FRMPD3: variants seen among roughly 807,000 people sequenced by gnomAD.
The protein encoded by FRMPD3 is FERM and PDZ domain-containing protein 3.
Under a neutral mutation model 97.9 loss-of-function variants are expected in FRMPD3, and 42 were observed. That is an observed-to-expected ratio of 0.43 (90% CI 0.34 to 0.55). FRMPD3 has a LOEUF of 0.55. Among genes scored for constraint, FRMPD3 ranks in the 20% least tolerant of loss-of-function variants. The pLI, the probability that FRMPD3 is intolerant of heterozygous loss-of-function variation, is 0.03. For synonymous variants in FRMPD3, 577 were observed against 581.1 expected (o/e 0.99, Z 0.10); for missense variants, 1,303 against 1,457.7 (o/e 0.89, Z 1.73).
chrX:107,594,881 C>T lies in FRMPD3; in HGVS notation c.1442-2440C>T, dbSNP rs771810628. Among the ~76,000 whole-genome samples, 7 of 108,816 alleles carry T rather than the reference C, an allele frequency of 6.4e-5. No individual in the cohort carries two copies. In the South Asian group the frequency reaches 3.2e-3, roughly 50 times the overall value. 94.5% of individuals were successfully genotyped at this position (108,816 alleles called of 115,157 possible). ...GGGCAATAAGAGCAAAACTCCATCT[C>T]AAAAAATAAATTAATAAAAAATTTA... On this transcript the variant is annotated intron_variant, in intron 13 of 14. Transcript: ENST00000683843.
At chrX:107,585,527 A>G (rs926934769) in intron 13 of FRMPD3, among the ~76,000 whole-genome samples, 3 of 111,727 alleles carry the variant, frequency 2.7e-5, no homozygotes, top group African/African-American at 9.8e-5. Context: ...CTGGTTTTCA[A>G]AGGGAATGCT....
At chrX:107,538,848 G>A (rs1921143709) in intron 4 of FRMPD3, among the ~76,000 whole-genome samples, 1 of 111,998 alleles carries the variant, frequency 8.9e-6, no homozygotes, top group Non-Finnish European at 1.9e-5. Context: ...TAGTAGAGAC[G>A]ATGTTTCGCC....
chrX:107,540,157 A>G (rs1274289881), intron 4 of FRMPD3, among the ~76,000 whole-genome samples: 1 of 111,420 alleles, frequency 9.0e-6, no homozygotes, highest in Non-Finnish European at 1.9e-5. Flanking sequence ...GGCAGAGGAT[A>G]TGTTCATGTC....
At chrX:107,520,885 A>G (rs1454828788) in intron 1 of FRMPD3, among the ~76,000 whole-genome samples, 2 of 112,205 alleles carry the variant, frequency 1.8e-5, no homozygotes, top group African/African-American at 6.5e-5. Context: ...TATAGTGAAA[A>G]TGGGGTGACA....
chrX:107,481,490 G>A (rs1275418828), intron 1 of FRMPD3, among the ~76,000 whole-genome samples: 1 of 112,325 alleles, frequency 8.9e-6, no homozygotes, highest in African/African-American at 3.2e-5. Flanking sequence ...AAGAGGGACA[G>A]GGACTTAATT....
At chrX:107,524,287 G>A (rs947893123) in intron 1 of FRMPD3, among the ~76,000 whole-genome samples, 3 of 112,788 alleles carry the variant, frequency 2.7e-5, no homozygotes, top group Non-Finnish European at 3.8e-5. Context: ...CCTGTCCTAG[G>A]AGTGTGCCTG....
Position 107,602,852 on chromosome X carries a change from C to T in FRMPD3, c.4813C>T (p.Leu1605=), listed in dbSNP as rs2147659700. The T allele has an allele frequency of 8.3e-7, 1 of 1,210,303 alleles. No homozygotes were observed. Among genetic ancestry groups the T allele is most frequent in the Non-Finnish European group, 1.1e-6 (1 of 895,036 alleles). The change falls in exon 15 of 15, where the codon CTG becomes TTG. Residue 1605 remains leucine (L), a synonymous_variant. Coordinates refer to ENST00000683843, the MANE Select transcript of FRMPD3 (RefSeq NM_001388459.1). Reference sequence around the variant, plus strand: ...GGACACCAACGAGCTGCTGACAGTCCTGCGGCAGTGTGTGGCCAGCCCCGA... The same window carrying T: ...GGACACCAACGAGCTGCTGACAGTCTTGCGGCAGTGTGTGGCCAGCCCCGA... ...RLDTNELLTV[L]RQCVASPEAR...
chrX:107,471,298 T>C (rs1406264105), intron 1 of FRMPD3, among the ~76,000 whole-genome samples: 2 of 101,010 alleles, frequency 2.0e-5, no homozygotes, highest in Non-Finnish European at 4.0e-5. Flanking sequence ...CCTTCCTTCC[T>C]TCTTTCCTTC....
intron 1 of FRMPD3, among the ~76,000 whole-genome samples, chrX:107,459,711 G>A (rs1931432716): frequency 1.8e-5 from 2 of 112,691 alleles, no homozygotes; most frequent in South Asian, 7.3e-4. Flanking sequence ...CAGTAGTTCT[G>A]CTCAGGCTGT....
At chrX:107,544,269 A>G (rs1921470659) in intron 4 of FRMPD3, among the ~76,000 whole-genome samples, 1 of 111,645 alleles carries the variant, frequency 9.0e-6, no homozygotes, top group Non-Finnish European at 1.9e-5. Flanking sequence ...TGCTGTTCAA[A>G]GGATACAAAG....
At chrX:107,513,991 G>A (rs1458772740) in intron 1 of FRMPD3, among the ~76,000 whole-genome samples, 1 of 112,082 alleles carries the variant, frequency 8.9e-6, no homozygotes. Flanking sequence ...AATAACCAAG[G>A]TGAAGTTTCC....
intron 1 of FRMPD3, among the ~76,000 whole-genome samples, chrX:107,524,420 C>T (rs1261285084): frequency 8.9e-6 from 1 of 112,187 alleles, no homozygotes; most frequent in Non-Finnish European, 1.9e-5. Flanking sequence ...GAGACTTGAC[C>T]TCATCCTAGC....
At chrX:107,539,312 G>A (rs1921179070) in intron 4 of FRMPD3, among the ~76,000 whole-genome samples, 1 of 112,030 alleles carries the variant, frequency 8.9e-6, no homozygotes, top group Non-Finnish European at 1.9e-5. Flanking sequence ...CACTTAATAA[G>A]CTTCTGTGTA....
chrX:107,601,986 C>G lies in FRMPD3; in HGVS notation c.3947C>G (p.Pro1316Arg). The change falls in exon 15 of 15, where the codon CCA becomes CGA. Residue 1316 changes from proline (P) to arginine (R), a missense_variant. Transcript: ENST00000683843. Reference sequence around the variant, plus strand: ...GGCCGGCCACAAGCCACCCAGACACCAGTGCCCAGCCTCCGGGGGAGGGAA... The same window carrying G: ...GGCCGGCCACAAGCCACCCAGACACGAGTGCCCAGCCTCCGGGGGAGGGAA... Reference protein sequence around the residue: ...RGGRPQATQTPVPSLRGRERD... With the variant: ...RGGRPQATQTRVPSLRGRERD... The G allele has an allele frequency of 8.5e-7, 1 of 1,169,966 alleles. No homozygotes were observed. Among genetic ancestry groups the G allele is most frequent in the Non-Finnish European group, 1.1e-6 (1 of 876,541 alleles).
At chrX:107,457,115 C>T (rs748069066) in intron 1 of FRMPD3, among the ~76,000 whole-genome samples, 11 of 110,674 alleles carry the variant, frequency 9.9e-5, no homozygotes, top group Non-Finnish European at 2.1e-4. Context: ...AGGAGGGTAC[C>T]AATGTCATCC....
At chrX:107,587,725 A>T (rs1290781080) in intron 13 of FRMPD3, among the ~76,000 whole-genome samples, 2 of 111,634 alleles carry the variant, frequency 1.8e-5, no homozygotes, top group African/African-American at 6.5e-5. Context: ...GTTTGTCTGG[A>T]TATGAAATTC....
In FRMPD3 at chrX:107,597,721, T is replaced by C; in HGVS notation, c.1842T>C (p.Ser614=). The part of the protein sequence containing the change: ...GAEALNFYCD[S]CKAKLQEQLG... The stretch of plus-strand genomic sequence containing the variant: ...AAGCCCTGAATTTCTACTGTGACTC[T>C]TGCAAAGCCAAACTTCAGGAGCAGC... Residue 614 remains serine, a synonymous_variant, in exon 14 of 15, where the codon TCT becomes TCC. Transcript: ENST00000683843. 1 of 1,207,032 alleles carries C rather than the reference T, an allele frequency of 8.3e-7. No homozygotes were observed. The highest frequency in any genetic ancestry group is 1.1e-6 in the Non-Finnish European group (1 of 893,397).
intron 1 of FRMPD3, among the ~76,000 whole-genome samples, chrX:107,454,052 G>A (rs779966761): frequency 7.1e-5 from 8 of 111,924 alleles, no homozygotes; most frequent in Non-Finnish European, 1.3e-4. Context: ...CATGCATGCC[G>A]TAGCCAGTGT....
At chrX:107,521,789 A>G (rs1285610529) in intron 1 of FRMPD3, among the ~76,000 whole-genome samples, 2 of 112,534 alleles carry the variant, frequency 1.8e-5, no homozygotes, top group East Asian at 2.8e-4. Context: ...AGACTCCCCA[A>G]GGAGCCAACC....
Sources: gnomAD v4.1 joint callset for allele counts (sites outside exome capture counted in the v4.1 genomes callset) on GRCh38, gnomAD v4.1.1 for gene constraint, MANE v1.5 for transcripts, NCBI Gene and HGNC (gene_info 2026-07-23, HGNC 2026-07-21) for gene names.